RMDN2: variants seen among roughly 807,000 people sequenced by gnomAD.
RMDN2 encodes regulator of microtubule dynamics 2, also known as regulator of microtubule dynamics protein 2.
A neutral mutation model predicts 52.8 loss-of-function variants in RMDN2; 61 were observed. The ratio of observed to expected loss-of-function variants is 1.16; its 90% CI spans 0.94 to 1.43. The LOEUF (loss-of-function observed/expected upper bound fraction) is 1.43. Among genes scored for constraint, RMDN2 ranks in the 40% most tolerant of loss-of-function variants. The pLI is 0.00. For synonymous variants in RMDN2, 180 were observed against 153.1 expected, an observed-to-expected ratio of 1.18 and a Z score of -1.30; for missense variants, 592 against 475.3, an observed-to-expected ratio of 1.25 and a Z score of -2.28.
At chr2:37,995,350 A>G (rs796476659) in intron 7 of RMDN2, among the ~76,000 whole-genome samples, 3 of 151,232 alleles carry the variant, frequency 2.0e-5, no homozygotes, top group Admixed American at 1.3e-4. Flanking sequence ...TACTACTACT[A>G]CTACTACTAC....
At chr2:37,933,811 A>G (rs1024217630) in intron 2 of RMDN2, among the ~76,000 whole-genome samples, 3 of 152,236 alleles carry the variant, frequency 2.0e-5, no homozygotes, top group Admixed American at 2.0e-4. Context: ...AGAGGGAGAG[A>G]GGAGTACAAA....
At chr2:37,952,905 G>A (rs1318450598) in intron 2 of RMDN2, 1 of 151,840 alleles carries the variant, frequency 6.6e-6, no homozygotes, top group Non-Finnish European at 1.5e-5. Context: ...TTTTAAAAAT[G>A]AATATTTTTC....
At chr2:38,063,972 G>A (rs1682161975) in intron 10 of RMDN2, among the ~76,000 whole-genome samples, 1 of 150,970 alleles carries the variant, frequency 6.6e-6, no homozygotes, top group South Asian at 2.1e-4. Flanking sequence ...AGTGAATCCT[G>A]TTTGTGTGTG....
At chr2:38,048,226 CCTT>C (rs1364475250) in intron 10 of RMDN2, among the ~76,000 whole-genome samples, 1 of 152,216 alleles carries the variant, frequency 6.6e-6, no homozygotes, top group Non-Finnish European at 1.5e-5. Context: ...TTCTTACACT[CCTT>C]CTTCCTAAAG....
chr2:37,924,689 C>T (rs78997303), upstream of RMDN2, among the ~76,000 whole-genome samples: 2,219 of 152,278 alleles, frequency 0.015, 53 homozygotes, highest in African/African-American at 0.049. Context: ...GCGTATTTAG[C>T]AGAATTAGTT....
At chr2:38,007,592 GTCTTT>G (rs1287240706) in intron 10 of RMDN2, among the ~76,000 whole-genome samples, 1 of 151,934 alleles carries the variant, frequency 6.6e-6, no homozygotes, top group African/African-American at 2.4e-5. Flanking sequence ...TGATTCTTCT[GTCTTT>G]TCTTCTTTAT....
At chr2:37,978,785 T>TAGATAGAC (rs960823331) in intron 4 of RMDN2, among the ~76,000 whole-genome samples, 1 of 147,336 alleles carries the variant, frequency 6.8e-6, no homozygotes, top group African/African-American at 2.5e-5. Flanking sequence ...CTCAGATAGA[T>TAGATAGAC]AGATAGATAG....
intron 10 of RMDN2, among the ~76,000 whole-genome samples, chr2:38,011,611 G>A (rs1488900408): frequency 1.3e-5 from 2 of 152,192 alleles, no homozygotes; most frequent in Non-Finnish European, 2.9e-5. Flanking sequence ...AATATATGAT[G>A]TGTGTCCAAA....
chr2:38,013,566 G>T (rs1288725669), intron 10 of RMDN2, among the ~76,000 whole-genome samples: 1 of 152,180 alleles, frequency 6.6e-6, no homozygotes, highest in African/African-American at 2.4e-5. Context: ...TGTTTTATGA[G>T]TTGAGAAGCA....
chr2:37,995,412 A>C (rs1420910555), intron 7 of RMDN2, among the ~76,000 whole-genome samples: 2 of 151,996 alleles, frequency 1.3e-5, no homozygotes, highest in Non-Finnish European at 2.9e-5. Context: ...TCTAGAGATA[A>C]AGAGTGTAAC....
At chr2:38,009,468 C>T (rs962114277) in intron 10 of RMDN2, among the ~76,000 whole-genome samples, 2 of 152,084 alleles carry the variant, frequency 1.3e-5, no homozygotes, top group African/African-American at 4.8e-5. Context: ...TTTGATTTTC[C>T]ATCACTGATA....
chr2:38,001,946 GACA>G (rs1676378774), intron 8 of RMDN2, among the ~76,000 whole-genome samples: 1 of 152,170 alleles, frequency 6.6e-6, no homozygotes, highest in Non-Finnish European at 1.5e-5. Flanking sequence ...GATTGAAATT[GACA>G]ACTTCCTTTA....
chr2:37,921,052 T>G (rs1187286094), upstream of RMDN2, among the ~76,000 whole-genome samples: 1 of 152,262 alleles, frequency 6.6e-6, no homozygotes, highest in Non-Finnish European at 1.5e-5. Context: ...TATATCTTAA[T>G]TAGGTATGTA....
intron 10 of RMDN2, among the ~76,000 whole-genome samples, chr2:38,060,209 T>G (rs1489536068): frequency 6.6e-6 from 1 of 152,030 alleles, no homozygotes; most frequent in Non-Finnish European, 1.5e-5. Context: ...CCTCCCAAAG[T>G]GCTGGGATTA....
rs1172638681 is a variant in RMDN2 at position 38,017,601 on chromosome 2, A to G, written c.*362A>G. ...AGACTTCGTAAGACAAAATAATTTCATTAATGTGGATGAAAAATGGAAAAC... is the reference window on the plus strand; with the variant it reads ...AGACTTCGTAAGACAAAATAATTTCGTTAATGTGGATGAAAAATGGAAAAC... On this transcript the variant is annotated 3_prime_UTR_variant, in exon 11 of 11. Coordinates refer to ENST00000354545, the MANE Select transcript of RMDN2 (RefSeq NM_001170791.3). 3 of 1,223,688 alleles carry G rather than the reference A, an allele frequency of 2.5e-6. No individual in the cohort carries two copies. Among genetic ancestry groups the G allele is most frequent in the Admixed American group, 5.3e-5 (2 of 37,906 alleles). The allele number at this position is 1,223,688 out of a possible 1,614,324, so 75.8% of individuals were successfully genotyped here. A position where few individuals can be genotyped will look rare whatever the true frequency, so the allele number is the denominator to read the frequency against.
intron 4 of RMDN2, among the ~76,000 whole-genome samples, chr2:37,977,893 G>A (rs1339116847): frequency 1.3e-5 from 2 of 151,962 alleles, no homozygotes; most frequent in Non-Finnish European, 2.9e-5. Context: ...GCCAGGCAGA[G>A]ACGCTCCTCA....
intron 8 of RMDN2, chr2:37,998,403 A>G (rs1408525656): frequency 6.6e-6 from 1 of 152,188 alleles, no homozygotes; most frequent in African/African-American, 2.4e-5. Flanking sequence ...TGGCATAACA[A>G]CAGTCCCAGC....
intron 2 of RMDN2, among the ~76,000 whole-genome samples, chr2:37,936,544 T>C (rs190108103): frequency 1.3e-5 from 2 of 152,352 alleles, no homozygotes; most frequent in East Asian, 3.9e-4. Flanking sequence ...CCACATCCTC[T>C]CCAACATCTG....
intron 2 of RMDN2, among the ~76,000 whole-genome samples, chr2:37,936,833 T>G (rs546416900): frequency 1.3e-5 from 2 of 152,184 alleles, no homozygotes; most frequent in Non-Finnish European, 2.9e-5. Flanking sequence ...TTTTCTCCCA[T>G]TCTGTAGGGT....
Sources: gnomAD v4.1 joint callset for allele counts (sites outside exome capture counted in the v4.1 genomes callset) on GRCh38, gnomAD v4.1.1 for gene constraint, MANE v1.5 for transcripts, NCBI Gene and HGNC (gene_info 2026-07-23, HGNC 2026-07-21) for gene names.